ARID4A: variants seen among roughly 807,000 people sequenced by gnomAD.
ARID4A encodes AT-rich interaction domain 4A.
ARID4A carries 39 observed loss-of-function variants against 148.6 expected under a neutral mutation model. The observed-to-expected ratio is 0.26, with a 90% CI of 0.20 to 0.34. ARID4A has a LOEUF of 0.34. ARID4A is among the 10% of genes least tolerant of loss of function. The pLI is 1.00. For synonymous variants in ARID4A, 475 were observed against 481.2 expected, an observed-to-expected ratio of 0.99 and a Z score of 0.17; for missense variants, 1,265 against 1,449.1, an observed-to-expected ratio of 0.87 and a Z score of 2.06.
chr14:58,362,207 G>A (rs1414079867), intron 19 of ARID4A, among the ~76,000 whole-genome samples: 1 of 152,110 alleles, frequency 6.6e-6, no homozygotes, highest in Non-Finnish European at 1.5e-5. Flanking sequence ...GTGCAGGCAT[G>A]TTTTATAATG....
At chr14:58,335,767 T>C (rs576214930) in intron 11 of ARID4A, among the ~76,000 whole-genome samples, 2 of 152,262 alleles carry the variant, frequency 1.3e-5, no homozygotes, top group East Asian at 3.9e-4. Context: ...TACATAGAAG[T>C]CACCTTGATT....
At chr14:58,335,998 T>TG (rs1465914125) in intron 11 of ARID4A, among the ~76,000 whole-genome samples, 1 of 152,050 alleles carries the variant, frequency 6.6e-6, no homozygotes, top group Non-Finnish European at 1.5e-5. Flanking sequence ...TTCTCTGTAC[T>TG]GGATCTACAG....
intron 11 of ARID4A, among the ~76,000 whole-genome samples, chr14:58,337,516 G>C (rs575998308): frequency 6.6e-6 from 1 of 152,038 alleles, no homozygotes; most frequent in Non-Finnish European, 1.5e-5. Flanking sequence ...GAAACAAGGT[G>C]GTGGGAGATT....
intron 5 of ARID4A, among the ~76,000 whole-genome samples, chr14:58,307,774 T>C (rs1462518636): frequency 2.0e-5 from 3 of 152,248 alleles, no homozygotes; most frequent in African/African-American, 7.2e-5. Context: ...AAGCCTAGAT[T>C]GTGCCATTGC....
At position 58,298,686 on chromosome 14, in the gene ARID4A, C is replaced by G. The variant is rs555642108; in HGVS notation, c.-72C>G. ...AGGACTCTGGAGCTGACAGCGCGCA[C>G]TTCACCCGCAGTTGGTAGGTGGGGA... On this transcript the variant is annotated 5_prime_UTR_variant, in exon 1 of 24. Transcript: ENST00000355431. 1 of 152,864 alleles carries G rather than the reference C, an allele frequency of 6.5e-6. No individual in the cohort carries two copies. The highest frequency in any genetic ancestry group is 2.1e-4 in the South Asian group (1 of 4,834). 9.5% of individuals were successfully genotyped at this position (152,864 alleles called of 1,614,324 possible). A position where few individuals can be genotyped will look rare whatever the true frequency, so the allele number is the denominator to read the frequency against.
At chr14:58,355,371 T>C (rs2034824491) in intron 17 of ARID4A, among the ~76,000 whole-genome samples, 1 of 152,204 alleles carries the variant, frequency 6.6e-6, no homozygotes, top group Admixed American at 6.5e-5. Flanking sequence ...CACATAGTAC[T>C]GAATCTTATA....
intron 15 of ARID4A, among the ~76,000 whole-genome samples, chr14:58,348,326 T>TA (rs535050630): frequency 1.6e-3 from 247 of 152,330 alleles, no homozygotes; most frequent in African/African-American, 5.7e-3. Context: ...GGTCAGGGAT[T>TA]AGTGTTTATT....
intron 7 of ARID4A, 65 bp downstream of exon 7, chr14:58,318,870 G>A (rs2032651614): frequency 1.5e-6 from 2 of 1,336,584 alleles, no homozygotes; most frequent in South Asian, 2.5e-5. Context: ...AAGGGATTTT[G>A]TTAGGATGGC....
intron 16 of ARID4A, among the ~76,000 whole-genome samples, chr14:58,352,708 C>T (rs1255398173): frequency 6.6e-6 from 1 of 152,082 alleles, no homozygotes; most frequent in East Asian, 1.9e-4. Context: ...CCAGGGATCA[C>T]CAAAATAATG....
intron 11 of ARID4A, among the ~76,000 whole-genome samples, chr14:58,334,781 C>A (rs2033718407): frequency 2.0e-5 from 3 of 151,962 alleles, no homozygotes; most frequent in Admixed American, 2.0e-4. Flanking sequence ...AGACTATCGA[C>A]TCTCTCTTTT....
chr14:58,303,936 C>G (rs1004218857), intron 3 of ARID4A, among the ~76,000 whole-genome samples: 3 of 151,932 alleles, frequency 2.0e-5, no homozygotes, highest in Non-Finnish European at 2.9e-5. Flanking sequence ...ATGTTGAAAC[C>G]CTGTCTCTAG....
intron 15 of ARID4A, 139 bp downstream of exon 15, chr14:58,348,017 T>G: frequency 3.3e-6 from 2 of 607,232 alleles, no homozygotes; most frequent in Non-Finnish European, 5.5e-6. Flanking sequence ...CTAGCTACTT[T>G]TTTCGAAATA....
At chr14:58,317,624 CT>C (rs71107933) in intron 5 of ARID4A, among the ~76,000 whole-genome samples, 1,263 of 69,778 alleles carry the variant, frequency 0.018, 7 homozygotes, top group African/African-American at 0.052. Flanking sequence ...TTATATTTGT[CT>C]TTTTTTTTTT....
chr14:58,366,875 C>A lies in ARID4A; in HGVS notation c.3524-8C>A. The A allele has an allele frequency of 6.7e-7, 1 of 1,488,594 alleles. No homozygotes were observed. The highest frequency in any genetic ancestry group is 8.9e-7 in the Non-Finnish European group (1 of 1,126,614). The allele number at this position is 1,488,594 out of a possible 1,614,324, so 92.2% of individuals were successfully genotyped here. A position where few individuals can be genotyped will look rare whatever the true frequency, so the allele number is the denominator to read the frequency against. On this transcript the variant is annotated splice_polypyrimidine_tract_variant and splice_region_variant and intron_variant, in intron 22 of 23. Transcript: ENST00000355431. ...AAAATCCAAATTAACTTCTTTCCCC[C>A]CTTTTAGATGAATTAGATAATATGA...
At chr14:58,340,194 G>T (rs1374953151) in intron 11 of ARID4A, among the ~76,000 whole-genome samples, 1 of 152,106 alleles carries the variant, frequency 6.6e-6, no homozygotes, top group South Asian at 2.1e-4. Context: ...CAAGTCATGG[G>T]CCATAACCAC....
intron 15 of ARID4A, among the ~76,000 whole-genome samples, chr14:58,349,329 G>T (rs2034522342): frequency 6.6e-6 from 1 of 151,984 alleles, no homozygotes; most frequent in Non-Finnish European, 1.5e-5. Flanking sequence ...CCTTCTCCAA[G>T]ATTTTCTCCC....
intron 19 of ARID4A, 78 bp downstream of exon 19, chr14:58,361,120 T>A: frequency 6.7e-7 from 1 of 1,492,374 alleles, no homozygotes; most frequent in Non-Finnish European, 8.9e-7. Flanking sequence ...ATTTTGAGGA[T>A]GGCTGACTTT....
At chr14:58,313,101 C>G (rs754913488) in intron 5 of ARID4A, among the ~76,000 whole-genome samples, 1 of 152,146 alleles carries the variant, frequency 6.6e-6, no homozygotes, top group African/African-American at 2.4e-5. Flanking sequence ...CTGTGAAAGT[C>G]TCAGCTTTGT....
intron 17 of ARID4A, among the ~76,000 whole-genome samples, chr14:58,357,556 G>A (rs1363260435): frequency 6.6e-6 from 1 of 151,584 alleles, no homozygotes; most frequent in East Asian, 1.9e-4. Context: ...CTGGAATGTG[G>A]CCCAACACAA....
Sources: gnomAD v4.1 joint callset for allele counts (sites outside exome capture counted in the v4.1 genomes callset) on GRCh38, gnomAD v4.1.1 for gene constraint, MANE v1.5 for transcripts, NCBI Gene and HGNC (gene_info 2026-07-23, HGNC 2026-07-21) for gene names.